Variants in DYNC2H1 observed in about 807,000 individuals in gnomAD.
DYNC2H1 encodes the protein cytoplasmic dynein 2 heavy chain 1.
A neutral mutation model predicts 570.0 loss-of-function variants in DYNC2H1; 410 were observed. The observed-to-expected ratio is 0.72, with a 90% CI of 0.66 to 0.78. DYNC2H1 has a LOEUF of 0.78. Ranked by LOEUF, DYNC2H1 falls within the 30% of genes least tolerant of loss-of-function variation. DYNC2H1 has a pLI of 0.00. For synonymous variants in DYNC2H1, 1,688 were observed against 1,677.6 expected (o/e 1.01, Z -0.15); for missense variants, 4,865 against 5,046.4 (o/e 0.96, Z 1.09).
chr11:103,399,612 A>C, intron 83 of DYNC2H1, 51 bp from the exon 84 acceptor site: 1 of 1,298,508 alleles, frequency 7.7e-7, no homozygotes, highest in Non-Finnish European at 1.1e-6. Flanking sequence ...CGTTTTATAT[A>C]TCAGTGATCT....
chr11:103,451,763 G>A (rs1944613770), intron 85 of DYNC2H1, among the ~76,000 whole-genome samples: 1 of 152,030 alleles, frequency 6.6e-6, no homozygotes, highest in Non-Finnish European at 1.5e-5. Context: ...CATTTCTCCT[G>A]CTATTCTGTT....
chr11:103,115,645 A>C (rs1274403071), intron 4 of DYNC2H1, among the ~76,000 whole-genome samples: 1 of 152,086 alleles, frequency 6.6e-6, no homozygotes, highest in Non-Finnish European at 1.5e-5. Flanking sequence ...TAAAAGTACA[A>C]AAATTAGCTG....
chr11:103,346,363 G>A (rs1403313723), intron 82 of DYNC2H1, among the ~76,000 whole-genome samples: 1 of 152,122 alleles, frequency 6.6e-6, no homozygotes, highest in Non-Finnish European at 1.5e-5. Flanking sequence ...TATTTCAAGA[G>A]CATATTTTTA....
chr11:103,126,787 C>T lies in DYNC2H1; in HGVS notation c.1857+1492C>T, dbSNP rs562197365. 9.0e-4 allele frequency among the ~76,000 whole-genome samples: 137 copies of T among 152,090 alleles called. 1 individual carries two copies. The highest frequency in any genetic ancestry group is 1.7e-3 in the Non-Finnish European group (117 of 68,026). ...GAGTAGCTGGGACTATAGGGGCCCGCCACCAAGCACAGCTAATATTTTTTG... is the reference window on the plus strand; with the variant it reads ...GAGTAGCTGGGACTATAGGGGCCCGTCACCAAGCACAGCTAATATTTTTTG... On this transcript the variant is annotated intron_variant, in intron 12 of 88. Coordinates refer to ENST00000375735, the MANE Select transcript of DYNC2H1 (RefSeq NM_001377.3).
intron 84 of DYNC2H1, among the ~76,000 whole-genome samples, chr11:103,432,019 G>A (rs1002244420): frequency 2.6e-5 from 4 of 152,062 alleles, no homozygotes; most frequent in Non-Finnish European, 5.9e-5. Flanking sequence ...GGTTCAGAAC[G>A]CTGTAGTGGA....
intron 84 of DYNC2H1, chr11:103,406,130 A>T (rs1942856532): frequency 6.6e-6 from 1 of 152,066 alleles, no homozygotes; most frequent in Admixed American, 6.6e-5. Context: ...ATAGTCTTGC[A>T]GTCCTTAGAT....
intron 47 of DYNC2H1, among the ~76,000 whole-genome samples, chr11:103,196,563 T>C (rs1362154681): frequency 6.6e-6 from 1 of 152,134 alleles, no homozygotes; most frequent in African/African-American, 2.4e-5. Flanking sequence ...GAGTTTTTGG[T>C]ATATAAATTA....
chr11:103,375,479 C>A lies in DYNC2H1; in HGVS notation c.12156+17120C>A, dbSNP rs537601053. Among the ~76,000 whole-genome samples the A allele has an allele frequency of 1.7e-4, 26 of 152,310 alleles. No homozygotes were observed. In the Middle Eastern group the frequency reaches 0.017, roughly 100 times the overall value. On this transcript the variant is annotated intron_variant, in intron 83 of 88. Coordinates refer to ENST00000375735, the MANE Select transcript of DYNC2H1 (RefSeq NM_001377.3). Reference sequence around the variant, plus strand: ...TGCTTCTGGAAAAGCCACAGACACACAAAACCAGCTGTGAAAGCAGCCAGG... The same window carrying A: ...TGCTTCTGGAAAAGCCACAGACACAAAAAACCAGCTGTGAAAGCAGCCAGG...
chr11:103,479,012 A>G (rs929642788), intron 88 of DYNC2H1, 83 bp from the exon 89 acceptor site: 224 of 1,418,748 alleles, frequency 1.6e-4, no homozygotes, highest in Non-Finnish European at 2.0e-4. Context: ...TATAATATTA[A>G]TATGTTTGTT....
chr11:103,417,887 A>AC (rs898660519), intron 84 of DYNC2H1, among the ~76,000 whole-genome samples: 4 of 152,008 alleles, frequency 2.6e-5, no homozygotes, highest in Non-Finnish European at 2.9e-5. Flanking sequence ...AAAAAAAAAA[A>AC]AAATTGATCA....
rs191352167 is a variant in DYNC2H1, at chr11:103,129,563, A to G, written c.1953+558A>G. On this transcript the variant is annotated intron_variant, in intron 13 of 88. Coordinates refer to ENST00000375735, the MANE Select transcript of DYNC2H1 (RefSeq NM_001377.3). The surrounding 1 kb of genome is among the most constrained non-coding windows in gnomAD (Gnocchi z 4.1). ...GCCAGGCATGGTGGTGGGTGCCTGT[A>G]ATCCCAGCTACTCGGGAGGCTGATG... Among the ~76,000 whole-genome samples the G allele has an allele frequency of 5.9e-5, 9 of 152,262 alleles. No individual in the cohort carries two copies. The highest frequency in any genetic ancestry group is 1.3e-4 in the Admixed American group (2 of 15,288).
chr11:103,188,944 A>C (rs556543825), intron 44 of DYNC2H1, among the ~76,000 whole-genome samples: 3 of 152,208 alleles, frequency 2.0e-5, no homozygotes, highest in South Asian at 4.1e-4. Context: ...TTTTAGATTT[A>C]AATGTTTTAT....
rs368447956 is a variant in DYNC2H1, at chr11:103,211,834, G to T, written c.8585G>T (p.Cys2862Phe). Residue 2862 changes from cysteine (C) to phenylalanine (F), a missense_variant, in exon 54 of 89, where the codon TGT becomes TTT. Cys to Phe is a radical substitution (Grantham distance 205). Around this residue, in one of 5 missense-constraint regions of DYNC2H1, gnomAD observed 2,401 missense variants for 2,454.6 expected, o/e 0.98. Coordinates refer to ENST00000375735, the MANE Select transcript of DYNC2H1 (RefSeq NM_001377.3). ...TCATTTTTATTAATCCATGAATCTT[G>T]TAAAGCATATGGTGCTACACCAAGC... ...LKSFLLIHES[C>F]KAYGATPSRY... The T allele has an allele frequency of 4.9e-6, 7 of 1,428,640 alleles. No individual in the cohort carries two copies. In the African/African-American group the frequency reaches 5.8e-5, roughly 12 times the overall value. 88.5% of individuals were successfully genotyped at this position (1,428,640 alleles called of 1,614,324 possible).
At chr11:103,385,860 G>T (rs1941850126) in intron 83 of DYNC2H1, among the ~76,000 whole-genome samples, 1 of 152,094 alleles carries the variant, frequency 6.6e-6, no homozygotes, top group South Asian at 2.1e-4. Context: ...TCTACCCCTT[G>T]TACCTAGCCA....
At chr11:103,155,292 T>G in intron 24 of DYNC2H1, 39 bp from the exon 25 acceptor site, 1 of 1,534,234 alleles carries the variant, frequency 6.5e-7, no homozygotes, top group Non-Finnish European at 8.8e-7. Flanking sequence ...TATGTATATG[T>G]GTATACATAT....
chr11:103,420,880 C>T (rs1040357822), intron 84 of DYNC2H1, among the ~76,000 whole-genome samples: 8 of 152,120 alleles, frequency 5.3e-5, no homozygotes, highest in Non-Finnish European at 7.4e-5. Flanking sequence ...CATAACAGTA[C>T]TAATCTTAAA....
intron 11 of DYNC2H1, 123 bp downstream of exon 11, chr11:103,123,123 GTTGT>G (rs1858806461): frequency 2.5e-6 from 2 of 805,162 alleles, no homozygotes; most frequent in African/African-American, 1.8e-5. Context: ...ATTTTTTTTT[GTTGT>G]TTGTTTTTGA....
rs187399626 is a variant in DYNC2H1 at position 103,335,645 on chromosome 11, C to G, written c.12039+11655C>G. Reference sequence around the variant, plus strand: ...GTTACTACATTTATTACAAACCAAACTATTCCAGATAGCTTCACTTAAATC... The same window carrying G: ...GTTACTACATTTATTACAAACCAAAGTATTCCAGATAGCTTCACTTAAATC... On this transcript the variant is annotated intron_variant, in intron 82 of 88. Coordinates refer to ENST00000375735, the MANE Select transcript of DYNC2H1 (RefSeq NM_001377.3). Among the ~76,000 whole-genome samples the G allele has an allele frequency of 4.3e-4, 65 of 152,182 alleles. 1 individual carries two copies. Among genetic ancestry groups the G allele is most frequent in the Admixed American group, 1.4e-3 (21 of 15,280 alleles).
At chr11:103,164,213 AT>A (rs34374818) in intron 30 of DYNC2H1, among the ~76,000 whole-genome samples, 5 of 57,990 alleles carry the variant, frequency 8.6e-5, no homozygotes, top group Non-Finnish European at 2.4e-4. Flanking sequence ...ATTGTATAAT[AT>A]TTGGGTTAGG....
Sources: allele counts gnomAD v4.1 joint callset (sites outside exome capture counted in the v4.1 genomes callset), GRCh38; gene constraint gnomAD v4.1.1; regional missense constraint gnomAD v4.1.1; non-coding constraint Gnocchi (gnomAD v3.1); transcripts MANE v1.5; gene names NCBI Gene and HGNC (gene_info 2026-07-23, HGNC 2026-07-21).